Variants in MAPKAP1 observed in about 807,000 individuals in gnomAD.
MAPKAP1 encodes the protein MAPK associated protein 1.
In MAPKAP1, 20 loss-of-function variants were observed where a neutral mutation model predicts 65.7. The observed-to-expected ratio is 0.30, with a 90% CI of 0.21 to 0.44. MAPKAP1 has a LOEUF of 0.44. Ranked by LOEUF, MAPKAP1 falls within the 20% of genes least tolerant of loss-of-function variation. MAPKAP1 has a pLI of 1.00. For synonymous variants in MAPKAP1, 222 were observed against 244.3 expected (o/e 0.91, Z 0.85); for missense variants, 423 against 648.0 (o/e 0.65, Z 3.77).
At chr9:125,453,879 C>A (rs1277903027) in intron 10 of MAPKAP1, among the ~76,000 whole-genome samples, 2 of 152,160 alleles carry the variant, frequency 1.3e-5, no homozygotes, top group African/African-American at 4.8e-5. Flanking sequence ...GGAAATTTCC[C>A]AAAACTCTAA....
chr9:125,552,027 T>C (rs1830599260), intron 6 of MAPKAP1, among the ~76,000 whole-genome samples: 1 of 152,174 alleles, frequency 6.6e-6, no homozygotes, highest in Admixed American at 6.5e-5. Flanking sequence ...CCAAAAACCT[T>C]CCCATTCCTC....
intron 10 of MAPKAP1, among the ~76,000 whole-genome samples, chr9:125,464,791 C>A (rs1853619633): frequency 6.6e-6 from 1 of 152,216 alleles, no homozygotes. Flanking sequence ...CGCTCAAATG[C>A]TCAGTCTCTT....
intron 8 of MAPKAP1, among the ~76,000 whole-genome samples, chr9:125,496,429 T>G (rs1228676407): frequency 6.6e-6 from 1 of 152,266 alleles, no homozygotes; most frequent in Non-Finnish European, 1.5e-5. Context: ...CAAGTCATTT[T>G]CATTTGTAAA....
intron 9 of MAPKAP1, among the ~76,000 whole-genome samples, chr9:125,482,729 TAC>T (rs936563333): frequency 2.0e-5 from 3 of 152,200 alleles, no homozygotes; most frequent in Non-Finnish European, 4.4e-5. Flanking sequence ...CACTTAAAGT[TAC>T]AGTTTCCAAG....
In MAPKAP1 at chr9:125,687,827, G is replaced by A. The variant is rs184016885; in HGVS notation, c.-69-15184C>T. ...ATATTTACAGAAAGCTAAAAAGCAC[G>A]ACATAAATCTAAGATGTAATATTAC... is the stretch of plus-strand genomic sequence containing the variant. On this transcript the variant is annotated intron_variant, in intron 1 of 11. Transcript: ENST00000265960. 1.8e-3 allele frequency among the ~76,000 whole-genome samples: 278 copies of A among 152,178 alleles called. 4 individuals carry two copies. The highest frequency in any genetic ancestry group is 3.0e-3 in the Non-Finnish European group (206 of 67,984).
At chr9:125,581,057 T>C (rs1017804807) in intron 5 of MAPKAP1, among the ~76,000 whole-genome samples, 1 of 152,274 alleles carries the variant, frequency 6.6e-6, no homozygotes, top group Non-Finnish European at 1.5e-5. Flanking sequence ...CTTCTCTTGA[T>C]AGTAGTATTA....
chr9:125,698,290 T>TATATATATATATAAA (rs1564622343), intron 1 of MAPKAP1, among the ~76,000 whole-genome samples: 4 of 2,202 alleles, frequency 1.8e-3, no homozygotes, highest in African/African-American at 7.8e-3. Flanking sequence ...TATATATAAA[T>TATATATATATATAAA]ATATATATAT....
chr9:125,555,705 T>A (rs1054360233), intron 6 of MAPKAP1, among the ~76,000 whole-genome samples: 1 of 152,214 alleles, frequency 6.6e-6, no homozygotes, highest in African/African-American at 2.4e-5. Context: ...AGAGAGACAA[T>A]AAGACTGTGC....
chr9:125,485,645 C>T (rs1020086609), intron 8 of MAPKAP1, among the ~76,000 whole-genome samples: 1 of 152,224 alleles, frequency 6.6e-6, no homozygotes, highest in African/African-American at 2.4e-5. Flanking sequence ...ACAACCCTCT[C>T]ATCCTCACCC....
chr9:125,451,966 C>T (rs765629025), intron 10 of MAPKAP1, among the ~76,000 whole-genome samples: 4 of 152,102 alleles, frequency 2.6e-5, no homozygotes, highest in South Asian at 2.1e-4. Flanking sequence ...CCTGCCACCA[C>T]GCCAGGCTAA....
intron 10 of MAPKAP1, among the ~76,000 whole-genome samples, chr9:125,453,383 C>G (rs1589202670): frequency 6.6e-6 from 1 of 152,234 alleles, no homozygotes; most frequent in South Asian, 2.1e-4. Context: ...GTTTTGAAAT[C>G]TCTTTAACAT....
chr9:125,577,542 C>T (rs1466607950), intron 5 of MAPKAP1, among the ~76,000 whole-genome samples: 11 of 138,434 alleles, frequency 7.9e-5, no homozygotes, highest in Admixed American at 3.5e-4. Context: ...CCTGGCCGGC[C>T]GCCCCGTCCA....
intron 1 of MAPKAP1, among the ~76,000 whole-genome samples, chr9:125,693,818 TACAC>T (rs201005835): frequency 3.0e-5 from 4 of 134,600 alleles, no homozygotes; most frequent in African/African-American, 8.7e-5. Flanking sequence ...CACACACATA[TACAC>T]ACACACACAT....
intron 1 of MAPKAP1, among the ~76,000 whole-genome samples, chr9:125,704,170 T>C (rs1835690162): frequency 6.6e-6 from 1 of 152,100 alleles, no homozygotes. Context: ...CAACATGGTG[T>C]AGTAATGAAG....
At chr9:125,574,934 A>G (rs112243302) in intron 5 of MAPKAP1, among the ~76,000 whole-genome samples, 2,543 of 152,354 alleles carry the variant, frequency 0.017, 30 homozygotes, top group Non-Finnish European at 0.029. Flanking sequence ...GTAGGCGTTA[A>G]CACCAGAATT....
Position 125,483,438 on chromosome 9 carries a change from G to C in MAPKAP1, c.1207+1005C>G, listed in dbSNP as rs116052478. 6.4e-4 allele frequency among the ~76,000 whole-genome samples: 97 copies of C among 152,304 alleles called. 1 individual carries two copies. The highest frequency in any genetic ancestry group is 2.2e-3 in the African/African-American group (91 of 41,556). On this transcript the variant is annotated intron_variant, in intron 9 of 11. Transcript: ENST00000265960. ...ACGAGTTAGCCAGGTTCAAACTAAT[G>C]CCAACATTAGAAAAGATTTTATTAT... is the stretch of plus-strand genomic sequence containing the variant.
At chr9:125,587,507 AAT>A (rs1831825121) in intron 4 of MAPKAP1, among the ~76,000 whole-genome samples, 1 of 152,190 alleles carries the variant, frequency 6.6e-6, no homozygotes, top group African/African-American at 2.4e-5. Context: ...CAGATGTTGC[AAT>A]GAGCCAACAT....
chr9:125,481,561 T>G (rs1376823832), intron 9 of MAPKAP1, among the ~76,000 whole-genome samples: 1 of 152,142 alleles, frequency 6.6e-6, no homozygotes, highest in East Asian at 2.0e-4. Flanking sequence ...TAGCTGGGAC[T>G]ACAGGCAGGC....
chr9:125,465,022 A>G (rs553643951), intron 10 of MAPKAP1, among the ~76,000 whole-genome samples: 2 of 152,312 alleles, frequency 1.3e-5, no homozygotes, highest in East Asian at 1.9e-4. Context: ...CCCTACACTT[A>G]ATGTCTTTTT....
Sources: gnomAD v4.1 joint callset for allele counts (sites outside exome capture counted in the v4.1 genomes callset) on GRCh38, gnomAD v4.1.1 for gene constraint, MANE v1.5 for transcripts, NCBI Gene and HGNC (gene_info 2026-07-23, HGNC 2026-07-21) for gene names.